ERN2: variants seen among roughly 807,000 people sequenced by gnomAD.
ERN2 encodes the protein serine/threonine-protein kinase/endoribonuclease IRE2.
ERN2 carries 111 observed loss-of-function variants against 107.9 expected under a neutral mutation model. That is an observed-to-expected ratio of 1.03 (90% CI 0.88 to 1.20). The LOEUF is 1.20. Among genes scored for constraint, ERN2 ranks in the 50% most tolerant of loss-of-function variants. The probability of loss-of-function intolerance (pLI) is 0.00; values close to 1 mark genes in which losing one functional copy is unlikely to be tolerated. For synonymous variants in ERN2, 524 were observed against 501.7 expected (o/e 1.04, Z -0.59); for missense variants, 1,225 against 1,197.9 (o/e 1.02, Z -0.33).
intron 4 of ERN2, chr16:23,709,817 T>G: frequency 4.9e-6 from 1 of 204,774 alleles, no homozygotes; most frequent in Non-Finnish European, 1.0e-5. Flanking sequence ...CTCACCAAAT[T>G]CTGAGTTGAA....
chr16:23,696,202 C>A (rs967190597), intron 13 of ERN2, among the ~76,000 whole-genome samples: 1 of 152,308 alleles, frequency 6.6e-6, no homozygotes, highest in South Asian at 2.1e-4. Flanking sequence ...TCTGTGCCCT[C>A]GGTATTCTCA....
chr16:23,709,103 A>T, intron 4 of ERN2: 1 of 448,710 alleles, frequency 2.2e-6, no homozygotes, highest in South Asian at 1.6e-5. Flanking sequence ...TATACTTAAG[A>T]CTTTTCTAGC....
chr16:23,702,790 C>A, intron 8 of ERN2, 88 bp from the exon 9 acceptor site: 1 of 1,116,282 alleles, frequency 9.0e-7, no homozygotes, highest in Non-Finnish European at 1.4e-6. Flanking sequence ...TTGTATATTT[C>A]CCTCTCACAT....
intron 14 of ERN2, among the ~76,000 whole-genome samples, 161 bp from the exon 15 acceptor site, chr16:23,695,550 AC>A (rs1459612786): frequency 1.3e-5 from 2 of 151,398 alleles, no homozygotes; most frequent in African/African-American, 2.4e-5. Flanking sequence ...ACATGGTGAA[AC>A]CCCCATCTCT....
Position 23,706,827 on chromosome 16 carries a change from A to G in ERN2, c.414T>C (p.Pro138=). ...GTGTCATCTGGGTCTCCCCTGACTC[A>G]GGGTCCACCACAAACCAGGCATCCT... ...RKQDAWFVVD[P]ESGETQMTLT... Residue 138 remains proline (P), a synonymous_variant, in exon 6 of 22, where the codon CCT becomes CCC. Transcript: ENST00000256797. The G allele has an allele frequency of 6.2e-7, 1 of 1,613,956 alleles. No individual in the cohort carries two copies. Among genetic ancestry groups the G allele is most frequent in the Non-Finnish European group, 8.5e-7 (1 of 1,179,920 alleles).
intron 1 of ERN2, among the ~76,000 whole-genome samples, chr16:23,711,467 A>T (rs1960538327): frequency 6.6e-6 from 1 of 152,054 alleles, no homozygotes. Context: ...GCTGATCCTC[A>T]CACCTCAGCC....
At chr16:23,703,419 A>C (rs1174299878) in intron 8 of ERN2, among the ~76,000 whole-genome samples, 1 of 152,114 alleles carries the variant, frequency 6.6e-6, no homozygotes, top group African/African-American at 2.4e-5. Context: ...AATTTTTACT[A>C]GTTCTTCCTT....
At chr16:23,713,009 C>G in intron 1 of ERN2, 86 bp downstream of exon 1, 1 of 1,088,130 alleles carries the variant, frequency 9.2e-7, no homozygotes, top group Non-Finnish European at 1.3e-6. Flanking sequence ...CCCGTGGCCC[C>G]GCCGCGCCCT....
chr16:23,700,412 ACT>A, intron 13 of ERN2, 125 bp downstream of exon 13: 1 of 890,490 alleles, frequency 1.1e-6, no homozygotes, highest in Non-Finnish European at 1.7e-6. Flanking sequence ...TACTCAAAAC[ACT>A]CTTCTTAATT....
Position 23,701,029 on chromosome 16 carries a change from G to C in ERN2, c.1289C>G (p.Pro430Arg), listed in dbSNP as rs1209085767. The change falls in exon 12 of 22, where the codon CCC becomes CGC. Residue 430 changes from proline (P) to arginine (R), a missense_variant. Pro to Arg is a moderately radical substitution (Grantham distance 103, BLOSUM62 -2). Transcript: ENST00000256797. ...KTPDSYLGLGPQDLLAASLTA... is the reference protein window; with the variant it reads ...KTPDSYLGLGRQDLLAASLTA... ...GAGGCTAGCTGCCAGCAGGTCTTGG[G>C]GTCCCAGCCCCAAGTAAGAGTCTGG... The C allele has an allele frequency of 1.9e-6, 3 of 1,614,046 alleles. No homozygotes were observed. The highest frequency in any genetic ancestry group is 3.3e-5 in the Admixed American group (2 of 59,998).
Position 23,692,225 on chromosome 16 carries a change from G to T in ERN2, c.2207C>A (p.Thr736Lys), listed in dbSNP as rs569979543. The change falls in exon 18 of 22, where the codon ACA becomes AAA. Residue 736 changes from threonine to lysine, a missense_variant. By Grantham distance (78) the Thr-to-Lys change is moderately conservative (BLOSUM62 -1). Coordinates refer to ENST00000256797, the MANE Select transcript of ERN2 (RefSeq NM_033266.4). ...CAGGTGAGCCAGACAGGGAGCCCCTGTGAGGATGTTTGCCTGGCGATAAAG... is the reference window on the plus strand; with the variant it reads ...CAGGTGAGCCAGACAGGGAGCCCCTTTGAGGATGTTTGCCTGGCGATAAAG... ...DSLYRQANIL[T>K]GAPCLAHLEE... 1 of 1,614,188 alleles carries T rather than the reference G, an allele frequency of 6.2e-7. No homozygotes were observed. Among genetic ancestry groups the T allele is most frequent in the Non-Finnish European group, 8.5e-7 (1 of 1,180,032 alleles).
At chr16:23,699,075 G>C (rs1319058698) in intron 13 of ERN2, among the ~76,000 whole-genome samples, 1 of 152,156 alleles carries the variant, frequency 6.6e-6, no homozygotes, top group African/African-American at 2.4e-5. Context: ...GGGGTACAGT[G>C]GGGTGAGTAT....
chr16:23,706,391 C>T lies in ERN2; in HGVS notation c.528G>A (p.Leu176=). 1 of 1,574,446 alleles carries T rather than the reference C, an allele frequency of 6.4e-7. No individual in the cohort carries two copies. Among genetic ancestry groups the T allele is most frequent in the Non-Finnish European group, 8.6e-7 (1 of 1,159,972 alleles). ...VTMHDPRAPA[L]RWNTTYRRYS... Reference sequence around the variant, plus strand: ...AGCGGCGGTAGGTGGTGTTCCAGCGCAGGGCTGGGGCTCTTGGGTCATGCA... The same window carrying T: ...AGCGGCGGTAGGTGGTGTTCCAGCGTAGGGCTGGGGCTCTTGGGTCATGCA... Residue 176 remains leucine, a synonymous_variant, in exon 7 of 22, where the codon CTG becomes CTA. Coordinates refer to ENST00000256797, the MANE Select transcript of ERN2 (RefSeq NM_033266.4).
At position 23,695,241 on chromosome 16, in the gene ERN2, G is replaced by A. The variant is rs1418646361; in HGVS notation, c.1759C>T (p.His587Tyr). The change falls in exon 15 of 22, where the codon CAC (histidine) becomes TAC (tyrosine). Residue 587 changes from histidine to tyrosine, a missense_variant. By Grantham distance (83) the His-to-Tyr change is moderately conservative. Transcript: ENST00000256797. ...YFCTERGPQF[H>Y]YIALELCRAS... ...CGGCAGAGCTCCAGGGCAATGTAGT[G>A]GAACTGGGGTCCCCGCTCGGTGCAG... 8 of 1,614,034 alleles carry A rather than the reference G, an allele frequency of 5.0e-6. No individual in the cohort carries two copies. The highest frequency in any genetic ancestry group is 1.3e-5 in the African/African-American group (1 of 74,936).
At chr16:23,712,055 C>T (rs147702456) in intron 1 of ERN2, 4,910 of 453,804 alleles carry the variant, frequency 0.011, 51 homozygotes, top group Middle Eastern at 0.021. Context: ...GGAGGCCTAA[C>T]ATCCGGGTGG....
chr16:23,694,669 G>A, intron 17 of ERN2, 59 bp downstream of exon 17: 2 of 1,432,492 alleles, frequency 1.4e-6, no homozygotes, highest in Non-Finnish European at 1.9e-6. Flanking sequence ...CTGGGACAGG[G>A]ACGGATTCCT....
chr16:23,706,451 G>T lies in ERN2; in HGVS notation c.488-20C>A. Reference sequence around the variant, plus strand: ...TATACTCTGGGGATCCCAGAAGCAAGATTACCAGGAACGTCCATTTGATGC... The same window carrying T: ...TATACTCTGGGGATCCCAGAAGCAATATTACCAGGAACGTCCATTTGATGC... On this transcript the variant is annotated intron_variant, in intron 6 of 21. Coordinates refer to ENST00000256797, the MANE Select transcript of ERN2 (RefSeq NM_033266.4). The T allele has an allele frequency of 6.5e-7, 1 of 1,531,610 alleles. No individual in the cohort carries two copies. The highest frequency in any genetic ancestry group is 8.9e-7 in the Non-Finnish European group (1 of 1,126,930). 94.9% of individuals were successfully genotyped at this position (1,531,610 alleles called of 1,614,324 possible). A position where few individuals can be genotyped will look rare whatever the true frequency, so the allele number is the denominator to read the frequency against.
intron 11 of ERN2, among the ~76,000 whole-genome samples, 166 bp downstream of exon 11, chr16:23,701,971 TAACAACAACAACAAC>T (rs1555467632): frequency 3.0e-5 from 2 of 65,964 alleles, no homozygotes; most frequent in Admixed American, 4.3e-4. Flanking sequence ...TTTCTGGCAG[TAACAACAACAACAAC>T]AACAACAAGT....
chr16:23,700,720 C>A lies in ERN2; in HGVS notation c.1360-16G>T. On this transcript the variant is annotated splice_polypyrimidine_tract_variant and intron_variant, in intron 12 of 21. Transcript: ENST00000256797. ...GCGGCTGTTGCTGTAACATGAGAGC[C>A]TAAGAGAGCTTTGTCCTGGCCACGC... is the stretch of plus-strand genomic sequence containing the variant. 6.2e-7 allele frequency: 1 copy of A among 1,606,030 alleles called. No individual in the cohort carries two copies. Among genetic ancestry groups the A allele is most frequent in the African/African-American group, 1.3e-5 (1 of 74,860 alleles).
Sources: allele counts gnomAD v4.1 joint callset (sites outside exome capture counted in the v4.1 genomes callset), GRCh38; gene constraint gnomAD v4.1.1; transcripts MANE v1.5; gene names NCBI Gene and HGNC (gene_info 2026-07-23, HGNC 2026-07-21).